Variants in KLHL1 observed in about 807,000 individuals in gnomAD.
The protein encoded by KLHL1 is kelch like family member 1.
KLHL1 carries 47 observed loss-of-function variants against 77.7 expected under a neutral mutation model. The observed-to-expected ratio is 0.60, with a 90% CI of 0.48 to 0.77. The LOEUF is 0.77. Among genes scored for constraint, KLHL1 ranks in the 30% least tolerant of loss-of-function variants. KLHL1 has a pLI of 0.00. For missense variants in KLHL1, 925 were observed against 910.8 expected, an observed-to-expected ratio of 1.02 and a Z score of -0.20; for synonymous variants, 360 against 325.2, an observed-to-expected ratio of 1.11 and a Z score of -1.15.
intron 5 of KLHL1, among the ~76,000 whole-genome samples, chr13:69,871,086 A>T (rs969004603): frequency 6.6e-6 from 1 of 151,994 alleles, no homozygotes; most frequent in Non-Finnish European, 1.5e-5. Context: ...CATCCTCTGA[A>T]ATCTAGGTGG....
At chr13:69,979,692 T>G (rs899576740) in intron 1 of KLHL1, among the ~76,000 whole-genome samples, 2 of 152,172 alleles carry the variant, frequency 1.3e-5, no homozygotes, top group Admixed American at 6.5e-5. Flanking sequence ...CTCTTAACAT[T>G]TGTCTTTATT....
chr13:70,037,071 A>T (rs148701677), intron 1 of KLHL1, among the ~76,000 whole-genome samples: 1 of 152,008 alleles, frequency 6.6e-6, no homozygotes, highest in Non-Finnish European at 1.5e-5. Flanking sequence ...ACCTTAGGGT[A>T]TTTTCACTAC....
At chr13:69,931,563 A>G (rs931695294) in intron 4 of KLHL1, among the ~76,000 whole-genome samples, 5 of 151,774 alleles carry the variant, frequency 3.3e-5, no homozygotes, top group African/African-American at 9.7e-5. Flanking sequence ...GTTATTTTAT[A>G]TAATCTTCAA....
chr13:69,936,924 T>A (rs555415316), intron 4 of KLHL1, among the ~76,000 whole-genome samples: 1 of 152,314 alleles, frequency 6.6e-6, no homozygotes, highest in African/African-American at 2.4e-5. Context: ...TAACTTATTT[T>A]ACTTTTCCAT....
intron 4 of KLHL1, among the ~76,000 whole-genome samples, chr13:69,936,775 A>C (rs144962153): frequency 0.01 from 1,558 of 152,186 alleles, 25 homozygotes; most frequent in African/African-American, 0.035. Flanking sequence ...TTTCTACTGA[A>C]GATTTCAACC....
chr13:69,776,384 A>G (rs531798371), intron 7 of KLHL1, among the ~76,000 whole-genome samples: 1 of 152,346 alleles, frequency 6.6e-6, no homozygotes, highest in East Asian at 1.9e-4. Context: ...GAATTCTAGA[A>G]CAAGCTTTGC....
chr13:70,018,983 G>A (rs1885723991), intron 1 of KLHL1, among the ~76,000 whole-genome samples: 1 of 152,166 alleles, frequency 6.6e-6, no homozygotes, highest in Non-Finnish European at 1.5e-5. Context: ...GCTATAGTAA[G>A]TCCATGTAAC....
At chr13:70,069,288 T>C (rs948611858) in intron 1 of KLHL1, among the ~76,000 whole-genome samples, 4 of 152,116 alleles carry the variant, frequency 2.6e-5, no homozygotes, top group Non-Finnish European at 5.9e-5. Flanking sequence ...CATCCAAAGA[T>C]AATAGGTCAG....
At chr13:70,060,039 A>T (rs1886840712) in intron 1 of KLHL1, among the ~76,000 whole-genome samples, 1 of 152,180 alleles carries the variant, frequency 6.6e-6, no homozygotes, top group Non-Finnish European at 1.5e-5. Flanking sequence ...CCATGAGATA[A>T]AGGATTAACA....
intron 1 of KLHL1, among the ~76,000 whole-genome samples, chr13:70,105,326 A>T (rs966043393): frequency 6.6e-6 from 1 of 151,838 alleles, no homozygotes; most frequent in Non-Finnish European, 1.5e-5. Flanking sequence ...ATAATTTCTT[A>T]AGTCACTACT....
chr13:70,001,911 C>A (rs1385698320), intron 1 of KLHL1, among the ~76,000 whole-genome samples: 6 of 151,476 alleles, frequency 4.0e-5, no homozygotes, highest in Admixed American at 1.3e-4. Context: ...AAGTTAGCAA[C>A]AAAGGACTGG....
intron 1 of KLHL1, among the ~76,000 whole-genome samples, chr13:70,041,107 TC>T (rs1430824074): frequency 6.6e-6 from 1 of 152,164 alleles, no homozygotes; most frequent in African/African-American, 2.4e-5. Flanking sequence ...CATTGTCTCT[TC>T]TATACCTTTG....
rs1222178762 is a variant in KLHL1 at position 69,789,331 on chromosome 13, TA to T, written c.1639+7406del. On this transcript the variant is annotated intron_variant, in intron 7 of 10. Coordinates refer to ENST00000377844, the MANE Select transcript of KLHL1 (RefSeq NM_020866.3). ...ACAAAATAAGTCTTATTTAATAAATTAAAAATATAAAAAATCAAAATATTAT... is the reference window on the plus strand; with the variant it reads ...ACAAAATAAGTCTTATTTAATAAATTAAAATATAAAAAATCAAAATATTAT... Among the ~76,000 whole-genome samples, 11 of 151,824 alleles carry T rather than the reference TA, an allele frequency of 7.2e-5. No individual in the cohort carries two copies. In the East Asian group the frequency reaches 2.1e-3, roughly 29 times the overall value.
intron 7 of KLHL1, among the ~76,000 whole-genome samples, chr13:69,779,901 G>A (rs545049497): frequency 1.2e-4 from 18 of 152,050 alleles, no homozygotes; most frequent in African/African-American, 4.1e-4. Context: ...ACCTCCACCT[G>A]CCAGGTTCAA....
At chr13:69,751,457 T>C (rs1438251360) in intron 7 of KLHL1, among the ~76,000 whole-genome samples, 1 of 152,018 alleles carries the variant, frequency 6.6e-6, no homozygotes, top group African/African-American at 2.4e-5. Flanking sequence ...TGAAAAGTGA[T>C]GACTGAGCTA....
chr13:69,838,855 C>G lies in KLHL1; in HGVS notation c.1414+121G>C, dbSNP rs573845296. 5.2e-6 allele frequency: 3 copies of G among 574,682 alleles called. No individual in the cohort carries two copies. In the East Asian group the frequency reaches 9.8e-5, roughly 19 times the overall value. The allele number at this position is 574,682 out of a possible 1,614,324, so 35.6% of individuals were successfully genotyped here. On this transcript the variant is annotated intron_variant, in intron 6 of 10. Transcript: ENST00000377844. ...GGAGATATTTAATTTCTCCCTTAATCTTAAATTACAATAATTAAAGCTGAG... is the reference window on the plus strand; with the variant it reads ...GGAGATATTTAATTTCTCCCTTAATGTTAAATTACAATAATTAAAGCTGAG...
intron 5 of KLHL1, among the ~76,000 whole-genome samples, chr13:69,864,431 C>A (rs1296146946): frequency 1.3e-5 from 2 of 151,580 alleles, no homozygotes; most frequent in African/African-American, 2.4e-5. Context: ...AAAGAAGAAT[C>A]AAAACTCTGA....
intron 1 of KLHL1, among the ~76,000 whole-genome samples, chr13:70,017,520 G>A (rs1486662982): frequency 6.6e-6 from 1 of 152,194 alleles, no homozygotes; most frequent in African/African-American, 2.4e-5. Flanking sequence ...GGACCCAACA[G>A]TCACTCATCC....
chr13:70,095,034 C>T (rs1314868006), intron 1 of KLHL1, among the ~76,000 whole-genome samples: 1 of 152,176 alleles, frequency 6.6e-6, no homozygotes, highest in East Asian at 1.9e-4. Flanking sequence ...TCTCTTTTTA[C>T]AGCTACTGTT....
Sources: gnomAD v4.1 joint callset for allele counts (sites outside exome capture counted in the v4.1 genomes callset) on GRCh38, gnomAD v4.1.1 for gene constraint, MANE v1.5 for transcripts, NCBI Gene and HGNC (gene_info 2026-07-23, HGNC 2026-07-21) for gene names.